MARK4: variants seen among roughly 807,000 people sequenced by gnomAD.
MARK4 encodes the protein microtubule affinity regulating kinase 4.
A neutral mutation model predicts 81.5 loss-of-function variants in MARK4; 19 were observed. The ratio of observed to expected loss-of-function variants is 0.23; its 90% confidence interval spans 0.16 to 0.34. MARK4 has a LOEUF of 0.34. MARK4 is among the 10% of genes least tolerant of loss of function. The pLI, the probability that MARK4 is intolerant of heterozygous loss-of-function variation, is 1.00. For synonymous variants in MARK4, 436 were observed against 439.0 expected, an observed-to-expected ratio of 0.99 and a Z score of 0.08; for missense variants, 772 against 1,058.8, an observed-to-expected ratio of 0.73 and a Z score of 3.76.
At chr19:45,269,426 T>C (rs1970496878) in intron 7 of MARK4, among the ~76,000 whole-genome samples, 1 of 152,070 alleles carries the variant, frequency 6.6e-6, no homozygotes, top group Non-Finnish European at 1.5e-5. Flanking sequence ...CCAGATGCTA[T>C]TACATTCAGG....
intron 6 of MARK4, among the ~76,000 whole-genome samples, chr19:45,265,971 G>C (rs1478361043): frequency 6.6e-6 from 1 of 152,022 alleles, no homozygotes; most frequent in Non-Finnish European, 1.5e-5. Flanking sequence ...GTTTCCAGAT[G>C]TGAAGGTCAA....
At chr19:45,287,757 C>T (rs1369779050) in intron 13 of MARK4, 93 bp downstream of exon 13, 1 of 1,382,620 alleles carries the variant, frequency 7.2e-7, no homozygotes, top group African/African-American at 1.4e-5. Context: ...GACGGAACTC[C>T]TTCTTACCAA....
intron 12 of MARK4, among the ~76,000 whole-genome samples, chr19:45,281,729 T>C (rs1970677272): frequency 6.6e-6 from 1 of 152,128 alleles, no homozygotes; most frequent in Non-Finnish European, 1.5e-5. Flanking sequence ...AGCTCTGATA[T>C]CAGAGTCAAG....
chr19:45,251,729 AC>A (rs1970244266), intron 1 of MARK4, 90 bp downstream of exon 1: 3 of 1,253,430 alleles, frequency 2.4e-6, no homozygotes, highest in Admixed American at 6.0e-5. Flanking sequence ...GCGAGCCCCT[AC>A]CCTCGTTTCC....
intron 15 of MARK4, chr19:45,298,288 T>C: frequency 1.3e-6 from 2 of 1,534,062 alleles, no homozygotes; most frequent in Non-Finnish European, 1.8e-6. Flanking sequence ...GACCTGTGTG[T>C]GCGGGCATTG....
At chr19:45,278,354 G>T (rs1290227387) in intron 9 of MARK4, among the ~76,000 whole-genome samples, 162 bp from the exon 10 acceptor site, 1 of 152,088 alleles carries the variant, frequency 6.6e-6, no homozygotes. Flanking sequence ...GGAGGCTCCG[G>T]CAGGGGACGT....
chr19:45,268,037 C>T (rs374528083), intron 7 of MARK4, among the ~76,000 whole-genome samples: 6 of 152,058 alleles, frequency 3.9e-5, no homozygotes, highest in African/African-American at 1.4e-4. Context: ...CTTGGGTGAT[C>T]TGCCCGCCTT....
At chr19:45,268,238 CG>C (rs1371179390) in intron 7 of MARK4, among the ~76,000 whole-genome samples, 3 of 152,018 alleles carry the variant, frequency 2.0e-5, no homozygotes, top group Non-Finnish European at 4.4e-5. Flanking sequence ...CCCAGAAGTT[CG>C]AGAACAGCCT....
intron 2 of MARK4, chr19:45,262,867 C>T (rs936755974): frequency 7.1e-5 from 33 of 461,882 alleles, no homozygotes; most frequent in Non-Finnish European, 6.4e-5. Context: ...CAGGCTCAAG[C>T]GATTCTTCCA....
At chr19:45,272,228 A>T (rs1481248767) in intron 8 of MARK4, among the ~76,000 whole-genome samples, 1 of 152,214 alleles carries the variant, frequency 6.6e-6, no homozygotes, top group Non-Finnish European at 1.5e-5. Context: ...GCTACTTGGG[A>T]GGCTGACGCG....
At chr19:45,299,064 TAAAAAAAAAA>T (rs59720430) in intron 15 of MARK4, among the ~76,000 whole-genome samples, 96 of 84,996 alleles carry the variant, frequency 1.1e-3, no homozygotes, top group East Asian at 6.5e-3. Context: ...AACCTGTCTC[TAAAAAAAAAA>T]AAAAAAAAAA....
chr19:45,257,154 G>A (rs1272351712), intron 1 of MARK4, among the ~76,000 whole-genome samples: 1 of 151,702 alleles, frequency 6.6e-6, no homozygotes, highest in African/African-American at 2.4e-5. Flanking sequence ...AGAGATGGGT[G>A]TCTCGCTTCA....
chr19:45,262,281 C>A (rs1568491169), intron 2 of MARK4, among the ~76,000 whole-genome samples: 1 of 145,480 alleles, frequency 6.9e-6, no homozygotes, highest in African/African-American at 2.6e-5. Context: ...GAGCTATGAT[C>A]ACACCACTGT....
At chr19:45,286,407 C>T (rs969483301) in intron 12 of MARK4, among the ~76,000 whole-genome samples, 1 of 148,208 alleles carries the variant, frequency 6.7e-6, no homozygotes, top group East Asian at 2.1e-4. Flanking sequence ...CATAAACAAA[C>T]ATGTAAAGAG....
intron 10 of MARK4, among the ~76,000 whole-genome samples, chr19:45,279,827 CAGA>C (rs1970648480): frequency 6.6e-6 from 1 of 152,164 alleles, no homozygotes; most frequent in Admixed American, 6.6e-5. Context: ...AGGAGGCAAG[CAGA>C]TCTGGGTCAC....
At chr19:45,262,671 G>T (rs1970395182) in intron 2 of MARK4, among the ~76,000 whole-genome samples, 1 of 152,200 alleles carries the variant, frequency 6.6e-6, no homozygotes, top group Admixed American at 6.6e-5. Context: ...AGTGAGGGTG[G>T]CAGTGGAGAC....
intron 14 of MARK4, among the ~76,000 whole-genome samples, chr19:45,296,222 T>C (rs1335274755): frequency 1.3e-5 from 2 of 151,186 alleles, no homozygotes; most frequent in Admixed American, 1.3e-4. Context: ...ACAAAAAAAA[T>C]CAAAAATTAA....
chr19:45,288,978 G>A (rs1239142107), intron 13 of MARK4, among the ~76,000 whole-genome samples: 2 of 152,088 alleles, frequency 1.3e-5, no homozygotes, highest in Non-Finnish European at 2.9e-5. Flanking sequence ...GCCCCACGTG[G>A]CTGTGCCCTT....
At chr19:45,294,515 C>G in intron 14 of MARK4, 63 bp downstream of exon 14, 1 of 1,402,388 alleles carries the variant, frequency 7.1e-7, no homozygotes, top group Admixed American at 1.8e-5. Context: ...CAGGACCTCC[C>G]TTGATCTGAG....
Sources: gnomAD v4.1 joint callset for allele counts (sites outside exome capture counted in the v4.1 genomes callset) on GRCh38, gnomAD v4.1.1 for gene constraint, MANE v1.5 for transcripts, NCBI Gene and HGNC (gene_info 2026-07-23, HGNC 2026-07-21) for gene names.